Variants in PLAT observed in about 807,000 individuals in gnomAD.
PLAT encodes plasminogen activator, tissue type, also known as tissue-type plasminogen activator.
Under a neutral mutation model 74.9 loss-of-function variants are expected in PLAT, and 48 were observed. That is an observed-to-expected ratio of 0.64 (90% confidence interval 0.51 to 0.82). PLAT has a LOEUF of 0.82. Ranked by LOEUF, PLAT falls within the 40% of genes least tolerant of loss-of-function variation. The pLI is 0.00. For synonymous variants in PLAT, 307 were observed against 294.4 expected, an observed-to-expected ratio of 1.04 and a Z score of -0.44; for missense variants, 673 against 736.2, an observed-to-expected ratio of 0.91 and a Z score of 0.99.
chr8:42,179,987 C>A lies in PLAT; in HGVS notation c.1302G>T (p.Ala434=). 1 of 1,608,830 alleles carries A rather than the reference C, an allele frequency of 6.2e-7. No individual in the cohort carries two copies. Among genetic ancestry groups the A allele is most frequent in the East Asian group, 2.2e-5 (1 of 44,720 alleles). ...CCGTCCAGTCCGGCAGCTGCAGGTCCGCCGGGGGAAGGCACACAGTGCGGA... is the reference window on the plus strand; with the variant it reads ...CCGTCCAGTCCGGCAGCTGCAGGTCAGCCGGGGGAAGGCACACAGTGCGGA... ...SVVRTVCLPP[A]DLQLPDWTEC... The change falls in exon 12 of 14, where the codon GCG becomes GCT. Residue 434 remains alanine (A), a synonymous_variant. Transcript: ENST00000220809.
At chr8:42,201,263 C>G (rs993959089) in intron 1 of PLAT, among the ~76,000 whole-genome samples, 3 of 152,254 alleles carry the variant, frequency 2.0e-5, no homozygotes, top group African/African-American at 4.8e-5. Context: ...CTCACTCTCT[C>G]TGAGCCTGTT....
intron 1 of PLAT, among the ~76,000 whole-genome samples, chr8:42,206,341 C>T (rs1418256465): frequency 6.6e-6 from 1 of 152,166 alleles, no homozygotes; most frequent in East Asian, 1.9e-4. Flanking sequence ...GTGCTGGAGT[C>T]CGACTCTGCC....
intron 6 of PLAT, 55 bp downstream of exon 6, chr8:42,187,343 C>T: frequency 6.9e-7 from 1 of 1,455,180 alleles, no homozygotes. Context: ...AGAATCTTTC[C>T]CCAGCTGTAG....
At chr8:42,191,906 A>C (rs1805701322) in intron 2 of PLAT, among the ~76,000 whole-genome samples, 2 of 151,522 alleles carry the variant, frequency 1.3e-5, no homozygotes, top group African/African-American at 4.9e-5. Context: ...AGGCATTTTC[A>C]GAGAGTGTGT....
In PLAT at chr8:42,179,966, C is replaced by A; in HGVS notation, c.1323G>T (p.Trp441Cys). The change falls in exon 12 of 14, where the codon TGG (tryptophan) becomes TGT (cysteine). Residue 441 changes from tryptophan (W) to cysteine (C), a missense_variant. Coordinates refer to ENST00000220809, the MANE Select transcript of PLAT (RefSeq NM_000930.5). ...LPPADLQLPD[W>C]TECELSGYGK... Reference sequence around the variant, plus strand: ...CGTAGCCGGAGAGCTCACACTCCGTCCAGTCCGGCAGCTGCAGGTCCGCCG... The same window carrying A: ...CGTAGCCGGAGAGCTCACACTCCGTACAGTCCGGCAGCTGCAGGTCCGCCG... 1.2e-6 allele frequency: 2 copies of A among 1,608,330 alleles called. No homozygotes were observed. The highest frequency in any genetic ancestry group is 1.7e-6 in the Non-Finnish European group (2 of 1,176,998).
rs1371062351 is a variant in PLAT at position 42,180,053 on chromosome 8, C to T, written c.1236G>A (p.Leu412=). ...TYDNDIALLQ[L]KSDSSRCAQE... ...GGGCACAGCGGGACGAATCCGATTT[C>T]AGCTGCAGCAGCGCTGGGAGGGAGA... is the stretch of plus-strand genomic sequence containing the variant. The change falls in exon 12 of 14, where the codon CTG becomes CTA. Residue 412 remains leucine, a synonymous_variant. Transcript: ENST00000220809. The T allele has an allele frequency of 4.4e-6, 7 of 1,605,842 alleles. No homozygotes were observed. The highest frequency in any genetic ancestry group is 1.1e-5 in the South Asian group (1 of 90,354).
intron 6 of PLAT, chr8:42,185,391 G>A (rs548716713): frequency 1.1e-3 from 416 of 375,270 alleles, no homozygotes; most frequent in Non-Finnish European, 1.5e-3. Context: ...AGCTTCCCGA[G>A]TAGCTGGGAT....
chr8:42,188,062 T>C lies in PLAT; in HGVS notation c.254-46A>G, dbSNP rs751973395. The C allele has an allele frequency of 3.4e-6, 4 of 1,172,690 alleles. No homozygotes were observed. The Admixed American group carries it at 7.1e-5, about 21-fold the overall frequency. The allele number at this position is 1,172,690 out of a possible 1,614,324, so 72.6% of individuals were successfully genotyped here. On this transcript the variant is annotated intron_variant, in intron 4 of 13. Coordinates refer to ENST00000220809, the MANE Select transcript of PLAT (RefSeq NM_000930.5). ...AGCCCCTAATGACAGCCTCCTTCTG[T>C]GTGCTCAGGCCATGGTTCCAGGAGC...
chr8:42,193,290 T>C (rs1008716358), intron 1 of PLAT, 79 bp from the exon 2 acceptor site: 20 of 899,482 alleles, frequency 2.2e-5, no homozygotes, highest in Non-Finnish European at 3.2e-5. Flanking sequence ...AGCCGCAATG[T>C]TGTCCTGTCT....
chr8:42,195,415 T>C (rs1163300102), intron 1 of PLAT, among the ~76,000 whole-genome samples: 1 of 152,148 alleles, frequency 6.6e-6, no homozygotes, highest in Non-Finnish European at 1.5e-5. Flanking sequence ...TGGCATCCTC[T>C]CAGCCTCCCT....
intron 4 of PLAT, 121 bp from the exon 5 acceptor site, chr8:42,188,137 C>T (rs2070713): frequency 0.38 from 236,040 of 613,676 alleles, 47,520 homozygotes; most frequent in East Asian, 0.52. Context: ...GTGGAACACG[C>T]GTATACCAGT....
chr8:42,188,878 G>A (rs1394806420), intron 4 of PLAT, 56 bp downstream of exon 4: 2 of 1,510,470 alleles, frequency 1.3e-6, no homozygotes, highest in East Asian at 2.3e-5. Context: ...TCCCACCTTG[G>A]CCTCCTAAAG....
chr8:42,196,134 C>T (rs1212894536), intron 1 of PLAT, among the ~76,000 whole-genome samples: 1 of 152,190 alleles, frequency 6.6e-6, no homozygotes, highest in East Asian at 1.9e-4. Flanking sequence ...GGAACATCCC[C>T]CTTTCTGGAT....
Position 42,195,245 on chromosome 8 carries a change from A to G in PLAT, c.-26-2034T>C, listed in dbSNP as rs558083492. ...ACGAACTCCCCCGTGGGAGGTGCTG[A>G]TCACCCTCCTTGCCTCGCTACATTT... On this transcript the variant is annotated intron_variant, in intron 1 of 13. Coordinates refer to ENST00000220809, the MANE Select transcript of PLAT (RefSeq NM_000930.5). 8.6e-5 allele frequency among the ~76,000 whole-genome samples: 13 copies of G among 151,840 alleles called. No individual in the cohort carries two copies. In the South Asian group the frequency reaches 2.7e-3, roughly 32 times the overall value.
chr8:42,187,428 C>A lies in PLAT; in HGVS notation c.509G>T (p.Arg170Met). The A allele has an allele frequency of 6.3e-7, 1 of 1,598,174 alleles. No individual in the cohort carries two copies. The highest frequency in any genetic ancestry group is 8.5e-7 in the Non-Finnish European group (1 of 1,176,828). Residue 170 changes from arginine to methionine, a missense_variant, in exon 6 of 14, where the codon AGG (arginine) becomes ATG (methionine). Physicochemically the swap from Arg to Met is moderately conservative, Grantham distance 91 (BLOSUM62 -1). Transcript: ENST00000220809. The part of the protein sequence containing the change: ...PYSGRRPDAI[R>M]LGLGNHNYCR... Reference sequence around the variant, plus strand: ...GTAGTTGTGGTTCCCCAGGCCCAGCCTGATGGCGTCTGGCCTCCGCCCGCT... The same window carrying A: ...GTAGTTGTGGTTCCCCAGGCCCAGCATGATGGCGTCTGGCCTCCGCCCGCT...
chr8:42,200,897 T>C (rs1478997300), intron 1 of PLAT, among the ~76,000 whole-genome samples: 1 of 151,976 alleles, frequency 6.6e-6, no homozygotes, highest in African/African-American at 2.4e-5. Context: ...CGGTGCAATC[T>C]CAGCTCACTG....
chr8:42,201,370 C>A (rs779914573), intron 1 of PLAT, among the ~76,000 whole-genome samples: 1 of 152,172 alleles, frequency 6.6e-6, no homozygotes, highest in African/African-American at 2.4e-5. Flanking sequence ...CCTGGGTGCA[C>A]GGCAGGAGCG....
intron 1 of PLAT, among the ~76,000 whole-genome samples, chr8:42,202,800 C>G (rs776485506): frequency 1.3e-4 from 20 of 152,128 alleles, no homozygotes; most frequent in Non-Finnish European, 2.4e-4. Flanking sequence ...CCATCCCAGG[C>G]TTGTTGAGGT....
intron 9 of PLAT, 199 bp from the exon 10 acceptor site, chr8:42,180,884 G>T (rs1268849066): frequency 1.9e-6 from 1 of 528,508 alleles, no homozygotes; most frequent in Admixed American, 3.7e-5. Flanking sequence ...GCCCAAGGTT[G>T]CAATGGCACC....
Sources: allele counts gnomAD v4.1 joint callset (sites outside exome capture counted in the v4.1 genomes callset), GRCh38; gene constraint gnomAD v4.1.1; transcripts MANE v1.5; gene names NCBI Gene and HGNC (gene_info 2026-07-23, HGNC 2026-07-21).